The following LITAF variants were observed in gnomAD, a reference collection of about 807,000 sequenced individuals.
LITAF encodes the protein lipopolysaccharide-induced tumor necrosis factor-alpha factor.
In LITAF, 9 loss-of-function variants were observed where a neutral mutation model predicts 14.5. The observed-to-expected ratio is 0.62, with a 90% confidence interval of 0.37 to 1.08. The LOEUF (loss-of-function observed/expected upper bound fraction) is 1.08, where lower values mean the gene tolerates loss of function less well. LITAF is among the 50% of genes least tolerant of loss of function. The pLI is 0.01. For missense variants in LITAF, 206 were observed against 213.4 expected, an observed-to-expected ratio of 0.97 and a Z score of 0.22; for synonymous variants, 98 against 88.2, an observed-to-expected ratio of 1.11 and a Z score of -0.62.
At chr16:11,559,496 T>C (rs980943354) in intron 1 of LITAF, among the ~76,000 whole-genome samples, 11 of 152,268 alleles carry the variant, frequency 7.2e-5, no homozygotes, top group Middle Eastern at 3.4e-3. Flanking sequence ...TCAAAATGTT[T>C]TTTGATAAAA....
chr16:11,621,125 C>T (rs945843275), intron 3 of LITAF, among the ~76,000 whole-genome samples: 2 of 151,824 alleles, frequency 1.3e-5, no homozygotes, highest in Non-Finnish European at 2.9e-5. Flanking sequence ...AATGGCAGTG[C>T]GCGATCTCGG....
chr16:11,577,599 T>A (rs2064661212), intron 1 of LITAF, among the ~76,000 whole-genome samples: 1 of 152,108 alleles, frequency 6.6e-6, no homozygotes. Flanking sequence ...ATTACAGGTG[T>A]AAGCCACCAC....
intron 3 of LITAF, among the ~76,000 whole-genome samples, chr16:11,550,892 A>G (rs754639348): frequency 1.8e-4 from 27 of 152,194 alleles, no homozygotes; most frequent in Non-Finnish European, 3.7e-4. Context: ...TCCAAAAACC[A>G]ACAGGCGTGG....
chr16:11,567,852 C>T (rs768115137), intron 1 of LITAF, among the ~76,000 whole-genome samples: 18 of 152,090 alleles, frequency 1.2e-4, no homozygotes, highest in Non-Finnish European at 2.5e-4. Context: ...GGCGTGGTGA[C>T]GCAGCCCTGT....
At chr16:11,574,389 T>C (rs2064597153) in intron 1 of LITAF, among the ~76,000 whole-genome samples, 1 of 152,104 alleles carries the variant, frequency 6.6e-6, no homozygotes, top group Non-Finnish European at 1.5e-5. Flanking sequence ...AAGGCATACA[T>C]AAGAAACTTA....
chr16:11,608,976 C>CAA (rs1402452722), intron 3 of LITAF, among the ~76,000 whole-genome samples: 8 of 39,402 alleles, frequency 2.0e-4, no homozygotes, highest in South Asian at 1.5e-3. Context: ...ACAAAACAAA[C>CAA]AAACAAAAAA....
intron 1 of LITAF, among the ~76,000 whole-genome samples, chr16:11,560,138 A>T (rs2064337748): frequency 6.6e-6 from 1 of 151,558 alleles, no homozygotes; most frequent in South Asian, 2.1e-4. Context: ...CTCTACTAAA[A>T]ATACAAAAAT....
intron 3 of LITAF, among the ~76,000 whole-genome samples, chr16:11,616,544 C>T (rs887050368): frequency 1.3e-5 from 2 of 151,662 alleles, no homozygotes; most frequent in Non-Finnish European, 2.9e-5. Context: ...AAAAGATGTA[C>T]CTCTCATCTT....
Position 11,549,569 on chromosome 16 carries a change from C to A in LITAF, c.*68G>T. The A allele has an allele frequency of 8.5e-7, 1 of 1,179,434 alleles. No individual in the cohort carries two copies. The highest frequency in any genetic ancestry group is 2.5e-5 in the East Asian group (1 of 39,790). The allele number at this position is 1,179,434 out of a possible 1,614,324, so 73.1% of individuals were successfully genotyped here. On this transcript the variant is annotated 3_prime_UTR_variant, in exon 4 of 4. Coordinates refer to ENST00000622633, the MANE Select transcript of LITAF (RefSeq NM_001136472.2). The surrounding 1 kb of genome is among the most constrained non-coding windows in gnomAD (Gnocchi z 4.6). ...CCACCAGGGCAGAACCTCCACCAGG[C>A]GTGAAGCTGGATGAGAGGTGGAAAG...
intron 1 of LITAF, among the ~76,000 whole-genome samples, chr16:11,592,579 G>GA (rs71136669): frequency 0.2 from 27,928 of 137,266 alleles, 2,912 homozygotes; most frequent in African/African-American, 0.24. Flanking sequence ...TGTCTCAAAA[G>GA]AAAAAAAAAA....
Position 11,548,336 on chromosome 16 carries a change from C to A in LITAF, c.*1301G>T. The A allele has an allele frequency of 2.2e-6, 1 of 454,058 alleles. No individual in the cohort carries two copies. The highest frequency in any genetic ancestry group is 1.6e-5 in the South Asian group (1 of 64,466). The allele number at this position is 454,058 out of a possible 1,614,324, so 28.1% of individuals were successfully genotyped here. A position where few individuals can be genotyped will look rare whatever the true frequency, so the allele number is the denominator to read the frequency against. On this transcript the variant is annotated 3_prime_UTR_variant, in exon 4 of 4. Coordinates refer to ENST00000622633, the MANE Select transcript of LITAF (RefSeq NM_001136472.2). ...GCTGCTTGAGTCCTAGAAATCATGT[C>A]TTCTCATGTTTTACAACAAGCTGTG... is the stretch of plus-strand genomic sequence containing the variant.
At chr16:11,613,230 G>C (rs150617167) in intron 3 of LITAF, among the ~76,000 whole-genome samples, 1 of 152,162 alleles carries the variant, frequency 6.6e-6, no homozygotes, top group East Asian at 1.9e-4. Context: ...AGTAGAGATG[G>C]GGTTTCACCA....
At chr16:11,557,322 T>A (rs1369767059) in intron 1 of LITAF, among the ~76,000 whole-genome samples, 1 of 150,712 alleles carries the variant, frequency 6.6e-6, no homozygotes, top group East Asian at 2.0e-4. Flanking sequence ...TGAGGGGGCC[T>A]TTGCGGGGGG....
At chr16:11,606,509 G>A (rs542077595) in intron 3 of LITAF, among the ~76,000 whole-genome samples, 146 of 152,186 alleles carry the variant, frequency 9.6e-4, no homozygotes, top group African/African-American at 3.3e-3. Flanking sequence ...GCACATGAAT[G>A]ATAAGAAAGT....
At chr16:11,591,445 AAAGTGC>A (rs2064845553), upstream of LITAF, among the ~76,000 whole-genome samples, 1 of 151,650 alleles carries the variant, frequency 6.6e-6, no homozygotes. Context: ...TCCACCTCCC[AAAGTGC>A]TGGGATTACA....
In LITAF at chr16:11,548,644, T is replaced by C. The variant is rs1035384336; in HGVS notation, c.*993A>G. 2.2e-6 allele frequency: 1 copy of C among 453,426 alleles called. No individual in the cohort carries two copies. Among genetic ancestry groups the C allele is most frequent in the Non-Finnish European group, 4.4e-6 (1 of 226,674 alleles). The allele number at this position is 453,426 out of a possible 1,614,324, so 28.1% of individuals were successfully genotyped here. On this transcript the variant is annotated 3_prime_UTR_variant, in exon 4 of 4. Transcript: ENST00000622633. ...GCAAATGGGAAAATGACACCAATCA[T>C]TTGATTACAGAAAATGGTTTTATAA...
chr16:11,616,443 C>T (rs190454034), intron 3 of LITAF, among the ~76,000 whole-genome samples: 1 of 151,602 alleles, frequency 6.6e-6, no homozygotes, highest in Admixed American at 6.6e-5. Flanking sequence ...TGCCACTGCA[C>T]TCCAGCCATG....
At chr16:11,620,836 C>T (rs568746535) in intron 3 of LITAF, among the ~76,000 whole-genome samples, 48 of 152,320 alleles carry the variant, frequency 3.2e-4, no homozygotes, top group African/African-American at 1.1e-3. Flanking sequence ...CATGGCCCTG[C>T]CCACATCTCC....
intron 3 of LITAF, among the ~76,000 whole-genome samples, chr16:11,608,569 G>A (rs1266154295): frequency 1.3e-5 from 2 of 152,304 alleles, no homozygotes; most frequent in East Asian, 3.9e-4. Flanking sequence ...TCCATACAAC[G>A]GAGCATTATT....
Sources: allele counts gnomAD v4.1 joint callset (sites outside exome capture counted in the v4.1 genomes callset), GRCh38; gene constraint gnomAD v4.1.1; non-coding constraint Gnocchi (gnomAD v3.1); transcripts MANE v1.5; gene names NCBI Gene and HGNC (gene_info 2026-07-23, HGNC 2026-07-21).